Variants in RBM19 observed in about 807,000 individuals in gnomAD.
The protein encoded by RBM19 is probable RNA-binding protein 19.
A neutral mutation model predicts 116.8 loss-of-function variants in RBM19; 94 were observed. The ratio of observed to expected loss-of-function variants is 0.80; its 90% CI spans 0.68 to 0.95. RBM19 has a LOEUF of 0.95. Ranked by LOEUF, RBM19 falls within the 40% of genes least tolerant of loss-of-function variation. RBM19 has a pLI of 0.00. For missense variants in RBM19, 1,161 were observed against 1,220.7 expected (o/e 0.95, Z 0.73); for synonymous variants, 475 against 494.1 (o/e 0.96, Z 0.51).
intron 21 of RBM19, among the ~76,000 whole-genome samples, chr12:113,882,337 G>C (rs904963018): frequency 6.6e-6 from 1 of 152,196 alleles, no homozygotes; most frequent in Non-Finnish European, 1.5e-5. Flanking sequence ...GTGACCTTGA[G>C]CAAATCACTC....
intron 15 of RBM19, 108 bp from the exon 16 acceptor site, chr12:113,937,244 C>G: frequency 7.2e-7 from 1 of 1,382,310 alleles, no homozygotes; most frequent in Non-Finnish European, 9.8e-7. Flanking sequence ...GGATGGGCAA[C>G]TCACCCAAGA....
At chr12:113,865,732 A>G (rs577908453) in intron 21 of RBM19, among the ~76,000 whole-genome samples, 2 of 151,912 alleles carry the variant, frequency 1.3e-5, no homozygotes, top group South Asian at 2.1e-4. Flanking sequence ...CAGTGCAACC[A>G]TATGCTATTA....
intron 20 of RBM19, among the ~76,000 whole-genome samples, chr12:113,916,327 A>C (rs1882770150): frequency 6.6e-6 from 1 of 152,210 alleles, no homozygotes; most frequent in African/African-American, 2.4e-5. Context: ...GAATTGCTTG[A>C]ACCCAGGAGG....
rs1869150894 is a variant in RBM19 at position 113,927,099 on chromosome 12, A to T, written c.2199T>A (p.Phe733Leu). ...EEESLPGCTL[F>L]IKNLNFDTTE... ...TTGTGTCAAAATTGAGATTCTTAAT[A>T]AACAGAGTACATCCTGGGAGGCTCT... Residue 733 changes from phenylalanine to leucine, a missense_variant, in exon 17 of 24, where the codon TTT becomes TTA. Physicochemically the swap from Phe to Leu is conservative, Grantham distance 22. Coordinates refer to ENST00000261741, the MANE Select transcript of RBM19 (RefSeq NM_016196.4). 2 of 1,613,538 alleles carry T rather than the reference A, an allele frequency of 1.2e-6. No homozygotes were observed. The highest frequency in any genetic ancestry group is 1.3e-5 in the African/African-American group (1 of 74,950).
At chr12:113,936,035 A>C (rs1052611038) in intron 16 of RBM19, among the ~76,000 whole-genome samples, 3 of 108,818 alleles carry the variant, frequency 2.8e-5, no homozygotes, top group African/African-American at 5.0e-5. Context: ...GTCTCAAAAA[A>C]ACAAAACAAA....
intron 7 of RBM19, among the ~76,000 whole-genome samples, chr12:113,954,730 T>A (rs774247264): frequency 1.1e-4 from 16 of 152,234 alleles, no homozygotes; most frequent in Admixed American, 2.6e-4. Context: ...ACTGCCTGTT[T>A]TTGTAACTAA....
At chr12:113,878,003 A>T (rs1879792755) in intron 21 of RBM19, among the ~76,000 whole-genome samples, 1 of 152,222 alleles carries the variant, frequency 6.6e-6, no homozygotes, top group Non-Finnish European at 1.5e-5. Flanking sequence ...ATACAATTTT[A>T]CTAGAACACG....
At position 113,909,651 on chromosome 12, in the gene RBM19, C is replaced by T. The variant is rs114531447; in HGVS notation, c.2558+5318G>A. 5.4e-3 allele frequency among the ~76,000 whole-genome samples: 824 copies of T among 152,206 alleles called. 9 individuals are homozygous for T. The highest frequency in any genetic ancestry group is 0.019 in the African/African-American group (775 of 41,518). On this transcript the variant is annotated intron_variant, in intron 21 of 23. Coordinates refer to ENST00000261741, the MANE Select transcript of RBM19 (RefSeq NM_016196.4). ...TGTCAGCTTCCCACAGAGAAGACAG[C>T]GGAAGCTCACAGGTGGAAAGTGAGC...
At chr12:113,832,590 G>A (rs116916661) in intron 23 of RBM19, among the ~76,000 whole-genome samples, 4,287 of 152,246 alleles carry the variant, frequency 0.028, 87 homozygotes, top group Non-Finnish European at 0.043. Context: ...ATGGCAATCC[G>A]GGACAGTTTC....
chr12:113,924,832 A>C, intron 17 of RBM19, 75 bp from the exon 18 acceptor site: 1 of 1,272,694 alleles, frequency 7.9e-7, no homozygotes, highest in Non-Finnish European at 1.1e-6. Flanking sequence ...CAAACACTAT[A>C]CCCCCAAATT....
At chr12:113,937,298 A>G in intron 15 of RBM19, 162 bp from the exon 16 acceptor site, 1 of 762,432 alleles carries the variant, frequency 1.3e-6, no homozygotes. Flanking sequence ...ACTGCTGTCT[A>G]CTCCCTGAGG....
intron 1 of RBM19, among the ~76,000 whole-genome samples, chr12:113,963,838 T>C (rs78363483): frequency 0.043 from 6,476 of 152,294 alleles, 339 homozygotes; most frequent in Admixed American, 0.15. Flanking sequence ...TTGACAAATT[T>C]CTCACAGCCT....
At chr12:113,852,772 T>G (rs1473568674) in intron 22 of RBM19, among the ~76,000 whole-genome samples, 2 of 152,232 alleles carry the variant, frequency 1.3e-5, no homozygotes, top group Non-Finnish European at 2.9e-5. Context: ...TAAAGGGATC[T>G]GAAGTCCCTT....
chr12:113,848,175 G>A (rs1358219559), intron 22 of RBM19, among the ~76,000 whole-genome samples: 1 of 152,232 alleles, frequency 6.6e-6, no homozygotes, highest in Non-Finnish European at 1.5e-5. Flanking sequence ...CACATAACAT[G>A]TGTCACTTAA....
chr12:113,876,208 C>A (rs1879659841), intron 21 of RBM19, among the ~76,000 whole-genome samples: 1 of 152,208 alleles, frequency 6.6e-6, no homozygotes, highest in Non-Finnish European at 1.5e-5. Context: ...GGGGGCTGCT[C>A]CCGCAACTGC....
At chr12:113,912,675 C>T (rs147663902) in intron 21 of RBM19, among the ~76,000 whole-genome samples, 193 of 152,350 alleles carry the variant, frequency 1.3e-3, no homozygotes, top group Non-Finnish European at 2.2e-3. Flanking sequence ...GAGCCCCGCA[C>T]ACAGCAAGCG....
At chr12:113,922,614 C>CTT (rs200578515) in intron 18 of RBM19, among the ~76,000 whole-genome samples, 6 of 143,364 alleles carry the variant, frequency 4.2e-5, no homozygotes, top group Non-Finnish European at 4.6e-5. Context: ...TCAGCAATAA[C>CTT]TTTTTTTTTT....
In RBM19 at chr12:113,823,044, G is replaced by T. The variant is rs1874545296; in HGVS notation, c.*180C>A. ...TGGTGAAACCCAGGATGCCTGGGCCGCTGGGCAGTGGCCTGAGGCCTTCCT... is the reference window on the plus strand; with the variant it reads ...TGGTGAAACCCAGGATGCCTGGGCCTCTGGGCAGTGGCCTGAGGCCTTCCT... On this transcript the variant is annotated 3_prime_UTR_variant, in exon 24 of 24. Coordinates refer to ENST00000261741, the MANE Select transcript of RBM19 (RefSeq NM_016196.4). 6.6e-6 allele frequency: 4 copies of T among 602,338 alleles called. No individual in the cohort carries two copies. Among genetic ancestry groups the T allele is most frequent in the Non-Finnish European group, 1.2e-5 (4 of 342,766 alleles). 37.3% of individuals were successfully genotyped at this position (602,338 alleles called of 1,614,324 possible).
At chr12:113,884,296 T>TACACACACAC (rs773074612) in intron 21 of RBM19, among the ~76,000 whole-genome samples, 11 of 81,536 alleles carry the variant, frequency 1.3e-4, no homozygotes, top group East Asian at 9.0e-4. Flanking sequence ...AAAAAAAAAG[T>TACACACACAC]ATACACACAC....
Sources: gnomAD v4.1 joint callset for allele counts (sites outside exome capture counted in the v4.1 genomes callset) on GRCh38, gnomAD v4.1.1 for gene constraint, MANE v1.5 for transcripts, NCBI Gene and HGNC (gene_info 2026-07-23, HGNC 2026-07-21) for gene names.